Variants in METTL2B observed in about 807,000 individuals in gnomAD.
METTL2B encodes tRNA N(3)-cytidine methyltransferase METTL2B.
In METTL2B, 28 loss-of-function variants were observed where a neutral mutation model predicts 51.0. That is an observed-to-expected ratio of 0.55 (90% CI 0.41 to 0.75). The LOEUF is 0.75. Among genes scored for constraint, METTL2B ranks in the 30% least tolerant of loss-of-function variants. The pLI is 0.00. For missense variants in METTL2B, 313 were observed against 460.7 expected, an observed-to-expected ratio of 0.68 and a Z score of 2.93; for synonymous variants, 128 against 166.3, an observed-to-expected ratio of 0.77 and a Z score of 1.77.
intron 5 of METTL2B, among the ~76,000 whole-genome samples, chr7:128,493,593 G>A (rs1792873537): frequency 6.6e-6 from 1 of 152,122 alleles, no homozygotes; most frequent in Non-Finnish European, 1.5e-5. Flanking sequence ...ACTCTGGAGG[G>A]TGAGGCAAGT....
chr7:128,483,698 C>G (rs763472287), intron 4 of METTL2B, among the ~76,000 whole-genome samples: 4 of 151,712 alleles, frequency 2.6e-5, no homozygotes, highest in African/African-American at 9.7e-5. Context: ...CCCACCACCA[C>G]GCCCAGCTAA....
chr7:128,477,275 C>T lies in METTL2B; in HGVS notation c.202+102C>T. On this transcript the variant is annotated intron_variant, in intron 2 of 8. Transcript: ENST00000262432. The stretch of plus-strand genomic sequence containing the variant: ...CCGCGGCCGCCCACATCCTTTATTC[C>T]TGGCCTGATGCGGATCTCAGGAGTA... 2.0e-6 allele frequency: 3 copies of T among 1,487,330 alleles called. No homozygotes were observed. The East Asian group carries it at 7.0e-5, about 35-fold the overall frequency. 92.1% of individuals were successfully genotyped at this position (1,487,330 alleles called of 1,614,324 possible). A position where few individuals can be genotyped will look rare whatever the true frequency, so the allele number is the denominator to read the frequency against.
At chr7:128,500,337 T>A (rs894873129) in intron 7 of METTL2B, among the ~76,000 whole-genome samples, 2 of 151,932 alleles carry the variant, frequency 1.3e-5, no homozygotes, top group Non-Finnish European at 2.9e-5. Flanking sequence ...AGAAAAAAAA[T>A]AGGCCAGGCA....
intron 2 of METTL2B, among the ~76,000 whole-genome samples, chr7:128,478,376 G>A (rs1458269808): frequency 2.0e-5 from 3 of 150,838 alleles, no homozygotes; most frequent in Non-Finnish European, 4.4e-5. Flanking sequence ...TCAGCCTCCC[G>A]AGTAGCTGGG....
At position 128,504,823 on chromosome 7, in the gene METTL2B, G is replaced by C. The variant is rs1175837648; in HGVS notation, c.*2907G>C. On this transcript the variant is annotated 3_prime_UTR_variant, in exon 9 of 9. Transcript: ENST00000262432. ...CATCTCTGCTAACAATACAGACCAGGCATGGTGGCTCACACCTGTAATCCC... is the reference window on the plus strand; with the variant it reads ...CATCTCTGCTAACAATACAGACCAGCCATGGTGGCTCACACCTGTAATCCC... The C allele has an allele frequency of 6.6e-6, 1 of 151,626 alleles. No individual in the cohort carries two copies. Among genetic ancestry groups the C allele is most frequent in the Non-Finnish European group, 1.5e-5 (1 of 67,976 alleles). The allele number at this position is 151,626 out of a possible 1,614,324, so 9.4% of individuals were successfully genotyped here. A position where few individuals can be genotyped will look rare whatever the true frequency, so the allele number is the denominator to read the frequency against.
At chr7:128,495,090 T>A (rs1283409660) in intron 6 of METTL2B, among the ~76,000 whole-genome samples, 1 of 141,652 alleles carries the variant, frequency 7.1e-6, no homozygotes, top group Non-Finnish European at 1.5e-5. Flanking sequence ...AATTTTTGTA[T>A]TTTTTTTTTT....
Position 128,502,036 on chromosome 7 carries a change from G to C in METTL2B, c.*120G>C. 6.9e-7 allele frequency: 1 copy of C among 1,458,318 alleles called. No homozygotes were observed. The highest frequency in any genetic ancestry group is 9.2e-7 in the Non-Finnish European group (1 of 1,082,476). The allele number at this position is 1,458,318 out of a possible 1,614,324, so 90.3% of individuals were successfully genotyped here. On this transcript the variant is annotated 3_prime_UTR_variant, in exon 9 of 9. Coordinates refer to ENST00000262432, the MANE Select transcript of METTL2B (RefSeq NM_018396.3). ...CCCAGCCACTCAGGAGGCTGAGGCAGGGAGGATCCATTGAGCCCAGGAGTC... is the reference window on the plus strand; with the variant it reads ...CCCAGCCACTCAGGAGGCTGAGGCACGGAGGATCCATTGAGCCCAGGAGTC...
intron 5 of METTL2B, among the ~76,000 whole-genome samples, chr7:128,489,730 G>A (rs112831715): frequency 0.18 from 26,053 of 144,310 alleles, 2,493 homozygotes; most frequent in East Asian, 0.33. Context: ...CCGGGTTCAC[G>A]CCATTCTCCT....
intron 4 of METTL2B, 22 bp from the exon 5 acceptor site, chr7:128,488,079 T>C (rs2732429): frequency 0.54 from 489,906 of 911,212 alleles, 194,038 homozygotes; most frequent in East Asian, 0.93. Context: ...TCTCATTGTT[T>C]TGTCTTTTCT....
At chr7:128,489,435 CAAA>C (rs111503975) in intron 5 of METTL2B, among the ~76,000 whole-genome samples, 6 of 142,000 alleles carry the variant, frequency 4.2e-5, no homozygotes, top group East Asian at 2.1e-4. Flanking sequence ...GACTCCATCT[CAAA>C]AAAAAAAAAG....
intron 2 of METTL2B, among the ~76,000 whole-genome samples, chr7:128,478,252 C>CTTT (rs1273795166): frequency 7.1e-6 from 1 of 141,036 alleles, no homozygotes; most frequent in Non-Finnish European, 1.6e-5. Context: ...ACTGTCCATA[C>CTTT]TTTTTTTTTT....
intron 6 of METTL2B, among the ~76,000 whole-genome samples, chr7:128,494,882 C>T (rs1303455195): frequency 5.3e-5 from 8 of 151,706 alleles, no homozygotes; most frequent in Middle Eastern, 3.2e-3. Flanking sequence ...GCCTCAACCT[C>T]GCAAAATGCT....
intron 6 of METTL2B, among the ~76,000 whole-genome samples, chr7:128,494,509 A>C (rs1411437224): frequency 2.0e-5 from 3 of 152,230 alleles, no homozygotes; most frequent in Non-Finnish European, 4.4e-5. Flanking sequence ...AGAATGGGAA[A>C]TCAGTCTCTA....
In METTL2B at chr7:128,479,198, C is replaced by T. The variant is rs1201231573; in HGVS notation, c.243C>T (p.Phe81=). ...EINAHKYWND[F]YKIHENGFFK... Reference sequence around the variant, plus strand: ...ATGCCCACAAATACTGGAATGACTTCTACAAAATCCACGAAAATGGGTTTT... The same window carrying T: ...ATGCCCACAAATACTGGAATGACTTTTACAAAATCCACGAAAATGGGTTTT... The change falls in exon 3 of 9, where the codon TTC becomes TTT. Residue 81 remains phenylalanine (F), a synonymous_variant. Transcript: ENST00000262432. The T allele has an allele frequency of 6.2e-7, 1 of 1,613,956 alleles. No individual in the cohort carries two copies. Among genetic ancestry groups the T allele is most frequent in the Non-Finnish European group, 8.5e-7 (1 of 1,179,964 alleles).
intron 7 of METTL2B, among the ~76,000 whole-genome samples, chr7:128,499,517 C>CTTTTTTT (rs1297101344): frequency 8.3e-6 from 1 of 119,920 alleles, no homozygotes; most frequent in African/African-American, 3.2e-5. Flanking sequence ...TATTAACAGC[C>CTTTTTTT]TTTTTTTTTT....
intron 5 of METTL2B, among the ~76,000 whole-genome samples, chr7:128,490,729 C>T (rs1792813362): frequency 1.3e-5 from 2 of 152,148 alleles, no homozygotes; most frequent in Admixed American, 1.3e-4. Flanking sequence ...TGATTGTGTC[C>T]CAGTTCTGAA....
At chr7:128,488,410 G>A (rs3993571) in intron 5 of METTL2B, 6 of 644,644 alleles carry the variant, frequency 9.3e-6, no homozygotes, top group Admixed American at 2.1e-5. Flanking sequence ...TACCAGTGCC[G>A]TTTCTCCACC....
At chr7:128,496,615 C>G (rs1027987744) in intron 6 of METTL2B, among the ~76,000 whole-genome samples, 1 of 152,080 alleles carries the variant, frequency 6.6e-6, no homozygotes, top group Admixed American at 6.6e-5. Context: ...TGGACTAAAA[C>G]AAATTATTAA....
At chr7:128,501,142 C>CA (rs1793022072) in intron 8 of METTL2B, 174 bp downstream of exon 8, 1 of 985,364 alleles carries the variant, frequency 1.0e-6, no homozygotes, top group Admixed American at 6.1e-5. Context: ...GGCAGCCAGC[C>CA]ACTCGGGCCC....
Sources: gnomAD v4.1 joint callset for allele counts (sites outside exome capture counted in the v4.1 genomes callset) on GRCh38, gnomAD v4.1.1 for gene constraint, MANE v1.5 for transcripts, NCBI Gene and HGNC (gene_info 2026-07-23, HGNC 2026-07-21) for gene names.